FHOD1: variants seen among roughly 807,000 people sequenced by gnomAD.
FHOD1 encodes FH1/FH2 domain-containing protein 1.
A neutral mutation model predicts 111.6 loss-of-function variants in FHOD1; 89 were observed. The ratio of observed to expected loss-of-function variants is 0.80; its 90% CI spans 0.67 to 0.95. The LOEUF is 0.95. Among genes scored for constraint, FHOD1 ranks in the 40% least tolerant of loss-of-function variants. FHOD1 has a pLI of 0.00. For synonymous variants in FHOD1, 618 were observed against 639.0 expected (o/e 0.97, Z 0.50); for missense variants, 1,446 against 1,554.2 (o/e 0.93, Z 1.17).
intron 11 of FHOD1, 27 bp from the exon 12 acceptor site, chr16:67,234,499 G>C (rs1277364801): frequency 1.3e-6 from 2 of 1,545,670 alleles, no homozygotes; most frequent in Non-Finnish European, 1.7e-6. Flanking sequence ...GTCACTGACA[G>C]CGTCTGACAC....
intron 1 of FHOD1, among the ~76,000 whole-genome samples, chr16:67,240,491 T>G (rs868769997): frequency 2.0e-5 from 3 of 152,306 alleles, no homozygotes; most frequent in Middle Eastern, 6.8e-3. Flanking sequence ...ATCATGTCAT[T>G]GCACTCTAGC....
chr16:67,238,359 C>G lies in FHOD1; in HGVS notation c.441+21G>C. 1 of 1,614,078 alleles carries G rather than the reference C, an allele frequency of 6.2e-7. No homozygotes were observed. The highest frequency in any genetic ancestry group is 8.5e-7 in the Non-Finnish European group (1 of 1,179,980). The stretch of plus-strand genomic sequence containing the variant: ...GAAGCTTGGGCTACACACTTACCCC[C>G]AGCCCACTGCGGGGCCTCACCTGGA... On this transcript the variant is annotated intron_variant, in intron 4 of 21. Coordinates refer to ENST00000258201, the MANE Select transcript of FHOD1 (RefSeq NM_013241.3). This position sits in a 1 kb window ranked among gnomAD's most constrained non-coding sequence, Gnocchi z 4.2.
chr16:67,231,664 GA>G lies in FHOD1; in HGVS notation c.2357del (p.Phe786SerfsTer19). The G allele has an allele frequency of 6.2e-7, 1 of 1,614,200 alleles. No homozygotes were observed. ...GCTCCATGCTGTCATAGTCCAGCTT[GA>G]AGGCCCAGAGTTGTAGACGAGCAGC... Reference protein sequence around the residue: ...GLAARLQLWAFKLDYDSMERE... With the variant: ...GLAARLQLWAXKLDYDSMERE... On this transcript the variant is annotated frameshift_variant, in exon 15 of 22. Transcript: ENST00000258201. LOFTEE classifies it high-confidence loss of function. The surrounding 1 kb of genome is among the most constrained non-coding windows in gnomAD (Gnocchi z 4.3).
chr16:67,238,738 C>T lies in FHOD1; in HGVS notation c.373+165G>A, dbSNP rs549086016. On this transcript the variant is annotated intron_variant, in intron 3 of 21. Transcript: ENST00000258201. This position sits in a 1 kb window ranked among gnomAD's most constrained non-coding sequence, Gnocchi z 4.2. ...GGTCTATTCTAACATTCTTGAATCC[C>T]CCTCCACTCCCACCATGGCCCTGGA... The T allele has an allele frequency of 9.9e-6, 7 of 708,990 alleles. No homozygotes were observed. Among genetic ancestry groups the T allele is most frequent in the Non-Finnish European group, 1.7e-5 (7 of 403,494 alleles). The allele number at this position is 708,990 out of a possible 1,614,324, so 43.9% of individuals were successfully genotyped here. A position where few individuals can be genotyped will look rare whatever the true frequency, so the allele number is the denominator to read the frequency against.
chr16:67,241,407 C>G (rs1597329787), intron 1 of FHOD1, among the ~76,000 whole-genome samples: 2 of 152,194 alleles, frequency 1.3e-5, no homozygotes, highest in Admixed American at 1.3e-4. Flanking sequence ...CAGCCTACCA[C>G]CCCACCCCCA....
Position 67,234,010 on chromosome 16 carries a change from C to A in FHOD1, c.1693G>T (p.Ala565Ser), listed in dbSNP as rs752754049. 3 of 1,613,436 alleles carry A rather than the reference C, an allele frequency of 1.9e-6. No homozygotes were observed. Among genetic ancestry groups the A allele is most frequent in the Non-Finnish European group, 2.5e-6 (3 of 1,179,950 alleles). ...QDMLNVESVE[A>S]GKDIPAPSPP... ...GAGGGAGCTGGGATGTCTTTCCCAG[C>A]CTCCACAGACTCTACATTCAGCATG... The change falls in exon 13 of 22, where the codon GCT (alanine) becomes TCT (serine). Residue 565 changes from alanine (A) to serine (S), a missense_variant. Transcript: ENST00000258201.
intron 1 of FHOD1, among the ~76,000 whole-genome samples, chr16:67,240,567 C>T (rs540209372): frequency 8.5e-5 from 13 of 152,324 alleles, no homozygotes; most frequent in Admixed American, 8.5e-4. Flanking sequence ...GAGTCTGACT[C>T]AGTCTACAGT....
Position 67,231,677 on chromosome 16 carries a change from T to C in FHOD1, c.2345A>G (p.Gln782Arg). The C allele has an allele frequency of 6.2e-7, 1 of 1,614,056 alleles. No individual in the cohort carries two copies. The change falls in exon 15 of 22, where the codon CAA becomes CGA. Residue 782 changes from glutamine (Q) to arginine (R), a missense_variant. Coordinates refer to ENST00000258201, the MANE Select transcript of FHOD1 (RefSeq NM_013241.3). This position sits in a 1 kb window ranked among gnomAD's most constrained non-coding sequence, Gnocchi z 4.3. ...ASIGGLAARL[Q>R]LWAFKLDYDS... ...ATAGTCCAGCTTGAAGGCCCAGAGT[T>C]GTAGACGAGCAGCGAGGCCGCCAAT...
At chr16:67,239,323 C>T (rs370446253) in intron 2 of FHOD1, 25 bp downstream of exon 2, 2 of 1,589,026 alleles carry the variant, frequency 1.3e-6, no homozygotes, top group Non-Finnish European at 1.7e-6. Context: ...GGTAACCTTG[C>T]CTCCCTGGCC....
chr16:67,242,961 A>G (rs949544782), intron 1 of FHOD1, among the ~76,000 whole-genome samples: 1 of 151,244 alleles, frequency 6.6e-6, no homozygotes, highest in African/African-American at 2.4e-5. Context: ...TTATATATAT[A>G]GCTATGTATC....
chr16:67,230,917 A>T, intron 17 of FHOD1, 126 bp from the exon 18 acceptor site: 1 of 1,066,422 alleles, frequency 9.4e-7, no homozygotes, highest in Middle Eastern at 3.1e-4. Flanking sequence ...AATCTCATAG[A>T]CTAGTGCAAG....
At position 67,233,945 on chromosome 16, in the gene FHOD1, G is replaced by A; in HGVS notation, c.1758C>T (p.Pro586=). ...LPLLSGVPPP[P]PLPPPPPIKG... ...TGATGGGTGGGGGAGGTGGAAGTGG[G>A]GGAGGGGGGGGTACTCCCGAGAGCA... Residue 586 remains proline, a synonymous_variant, in exon 13 of 22, where the codon CCC becomes CCT. Transcript: ENST00000258201. 1.3e-6 allele frequency: 2 copies of A among 1,593,642 alleles called. No homozygotes were observed. The highest frequency in any genetic ancestry group is 1.1e-5 in the South Asian group (1 of 90,126).
chr16:67,237,958 C>T lies in FHOD1; in HGVS notation c.642+76G>A. The T allele has an allele frequency of 6.6e-7, 1 of 1,512,700 alleles. No homozygotes were observed. Among genetic ancestry groups the T allele is most frequent in the Non-Finnish European group, 9.1e-7 (1 of 1,093,242 alleles). The allele number at this position is 1,512,700 out of a possible 1,614,324, so 93.7% of individuals were successfully genotyped here. Reference sequence around the variant, plus strand: ...CTCAGACTCACTCCCTTCCAGCTCACTTTGCAGAACAGGAAACTGAGGCCC... The same window carrying T: ...CTCAGACTCACTCCCTTCCAGCTCATTTTGCAGAACAGGAAACTGAGGCCC... On this transcript the variant is annotated intron_variant, in intron 6 of 21. Coordinates refer to ENST00000258201, the MANE Select transcript of FHOD1 (RefSeq NM_013241.3). This position sits in a 1 kb window ranked among gnomAD's most constrained non-coding sequence, Gnocchi z 5.6.
In FHOD1 at chr16:67,237,205, T is replaced by G; in HGVS notation, c.993+34A>C. ...GGACTGCGCTTCTCTCTTCCCTCTT[T>G]CCAATCCGCCTCAGAGCGTAAGGCC... On this transcript the variant is annotated intron_variant, in intron 9 of 21. Transcript: ENST00000258201. The surrounding 1 kb of genome is among the most constrained non-coding windows in gnomAD (Gnocchi z 5.6). 6.2e-7 allele frequency: 1 copy of G among 1,607,116 alleles called. No individual in the cohort carries two copies. The highest frequency in any genetic ancestry group is 8.5e-7 in the Non-Finnish European group (1 of 1,175,114).
chr16:67,229,620 C>G lies in FHOD1; in HGVS notation c.*16G>C, dbSNP rs1326035894. ...TGCAGTCCAGGGTCCAGATAGATTT[C>G]CGGGATACAGCACCTTCACACCTCC... On this transcript the variant is annotated 3_prime_UTR_variant, in exon 22 of 22. Coordinates refer to ENST00000258201, the MANE Select transcript of FHOD1 (RefSeq NM_013241.3). 4 of 1,612,032 alleles carry G rather than the reference C, an allele frequency of 2.5e-6. No individual in the cohort carries two copies. The highest frequency in any genetic ancestry group is 2.5e-6 in the Non-Finnish European group (3 of 1,178,182).
rs764765882 is a variant in FHOD1, at chr16:67,230,481, C to T, written c.2884G>A (p.Gly962Ser). ...NRFHAFLLYL[G>S]YTPQAAREVR... ...TCACGGGCCGCCTGCGGGGTGTAGCCCAGGTAGAGCAGGAAGGCATGGAAC... is the reference window on the plus strand; with the variant it reads ...TCACGGGCCGCCTGCGGGGTGTAGCTCAGGTAGAGCAGGAAGGCATGGAAC... Residue 962 changes from glycine to serine, a missense_variant, in exon 19 of 22, where the codon GGC becomes AGC. Physicochemically the swap from Gly to Ser is moderately conservative, Grantham distance 56. Around this residue, in one of 3 missense-constraint regions of FHOD1, gnomAD observed 1,085 missense variants for 1,108.8 expected, o/e 0.98. Coordinates refer to ENST00000258201, the MANE Select transcript of FHOD1 (RefSeq NM_013241.3). 21 of 1,614,124 alleles carry T rather than the reference C, an allele frequency of 1.3e-5. No homozygotes were observed. Among genetic ancestry groups the T allele is most frequent in the Non-Finnish European group, 1.6e-5 (19 of 1,180,050 alleles).
Position 67,238,164 on chromosome 16 carries a change from C to T in FHOD1, c.548-36G>A, listed in dbSNP as rs780245864. The T allele has an allele frequency of 9.9e-6, 16 of 1,614,012 alleles. No individual in the cohort carries two copies. Among genetic ancestry groups the T allele is most frequent in the Non-Finnish European group, 1.3e-5 (15 of 1,179,924 alleles). ...AGGGATGGGCAGAGTCAGCGAGGGT[C>T]GCTGGAGCAGAGGTCATGGGAGAGG... On this transcript the variant is annotated intron_variant, in intron 5 of 21. Transcript: ENST00000258201. The surrounding 1 kb of genome is among the most constrained non-coding windows in gnomAD (Gnocchi z 4.2).
intron 1 of FHOD1, chr16:67,246,946 A>C: frequency 2.1e-6 from 1 of 474,290 alleles, no homozygotes; most frequent in Non-Finnish European, 3.7e-6. Context: ...GGCGAGTGGA[A>C]CTCGAGCACC....
At chr16:67,243,520 G>A (rs535907098) in intron 1 of FHOD1, among the ~76,000 whole-genome samples, 22 of 152,134 alleles carry the variant, frequency 1.4e-4, no homozygotes, top group South Asian at 8.3e-4. Flanking sequence ...AGCCTGAGCC[G>A]CCTATTTAAT....
Sources: allele counts gnomAD v4.1 joint callset (sites outside exome capture counted in the v4.1 genomes callset), GRCh38; gene constraint gnomAD v4.1.1; regional missense constraint gnomAD v4.1.1; non-coding constraint Gnocchi (gnomAD v3.1); transcripts MANE v1.5; gene names NCBI Gene and HGNC (gene_info 2026-07-23, HGNC 2026-07-21).